Variants in TMPRSS11E observed in about 807,000 individuals in gnomAD.
TMPRSS11E encodes transmembrane protease serine 11E.
A neutral mutation model predicts 48.1 loss-of-function variants in TMPRSS11E; 38 were observed. The ratio of observed to expected loss-of-function variants is 0.79; its 90% CI spans 0.61 to 1.04. The LOEUF (loss-of-function observed/expected upper bound fraction) is 1.04. Ranked by LOEUF, TMPRSS11E falls within the 50% of genes least tolerant of loss-of-function variation. The pLI is 0.00. For synonymous variants in TMPRSS11E, 158 were observed against 171.9 expected (o/e 0.92, Z 0.63); for missense variants, 530 against 510.8 (o/e 1.04, Z -0.36).
At chr4:68,481,774 A>G (rs1408314285) in intron 9 of TMPRSS11E, among the ~76,000 whole-genome samples, 1 of 152,114 alleles carries the variant, frequency 6.6e-6, no homozygotes, top group Non-Finnish European at 1.5e-5. Context: ...ACATGGGGAA[A>G]TCCTGTCTCT....
intron 9 of TMPRSS11E, among the ~76,000 whole-genome samples, chr4:68,495,144 G>A (rs1434252434): frequency 1.3e-5 from 2 of 152,050 alleles, no homozygotes; most frequent in Non-Finnish European, 2.9e-5. Context: ...AATCAAATGT[G>A]AGCTAATTAG....
intron 5 of TMPRSS11E, among the ~76,000 whole-genome samples, chr4:68,473,318 G>T (rs1729124397): frequency 6.6e-6 from 1 of 152,042 alleles, no homozygotes; most frequent in Non-Finnish European, 1.5e-5. Flanking sequence ...TCTTTTCTAT[G>T]GGTTCTAAGC....
At chr4:68,451,702 C>G (rs1012126495) in intron 1 of TMPRSS11E, among the ~76,000 whole-genome samples, 1 of 151,956 alleles carries the variant, frequency 6.6e-6, no homozygotes, top group African/African-American at 2.4e-5. Context: ...TATCTGCCAA[C>G]TACTGTCTTA....
At chr4:68,467,474 A>T (rs952070319) in intron 3 of TMPRSS11E, among the ~76,000 whole-genome samples, 1 of 152,184 alleles carries the variant, frequency 6.6e-6, no homozygotes, top group African/African-American at 2.4e-5. Context: ...TCATGATATA[A>T]TGTGATGGAA....
At chr4:68,488,878 C>T (rs942222418) in intron 9 of TMPRSS11E, among the ~76,000 whole-genome samples, 6 of 152,144 alleles carry the variant, frequency 3.9e-5, no homozygotes, top group African/African-American at 1.4e-4. Flanking sequence ...TCTTTCAGCT[C>T]TTGTGTTATT....
chr4:68,492,052 C>A (rs1729739687), intron 9 of TMPRSS11E, among the ~76,000 whole-genome samples: 1 of 152,178 alleles, frequency 6.6e-6, no homozygotes, highest in Non-Finnish European at 1.5e-5. Flanking sequence ...AGACTCACTT[C>A]ATTTTGTTTC....
At chr4:68,459,441 C>T (rs753119363) in intron 1 of TMPRSS11E, among the ~76,000 whole-genome samples, 3 of 151,864 alleles carry the variant, frequency 2.0e-5, no homozygotes. Flanking sequence ...AAATTTCTCA[C>T]TTATTTGTTA....
intron 9 of TMPRSS11E, among the ~76,000 whole-genome samples, chr4:68,489,486 G>A (rs1408249700): frequency 4.6e-5 from 7 of 152,174 alleles, no homozygotes; most frequent in Non-Finnish European, 7.4e-5. Context: ...ACAGGCATGC[G>A]TGCTGGTGGT....
rs372210263 is a variant in TMPRSS11E, at chr4:68,496,573, G to A, written c.1111-70G>A. ...ATTACCCCTTTCATTACATTCTTAA[G>A]TTAGAAAAATAGCCAATTCCTCTGT... On this transcript the variant is annotated intron_variant, in intron 9 of 9. Coordinates refer to ENST00000305363, the MANE Select transcript of TMPRSS11E (RefSeq NM_014058.4). The A allele has an allele frequency of 1.8e-5, 26 of 1,452,860 alleles. No individual in the cohort carries two copies. In the East Asian group the frequency reaches 1.9e-4, roughly 11 times the overall value. The allele number at this position is 1,452,860 out of a possible 1,614,324, so 90.0% of individuals were successfully genotyped here.
chr4:68,496,647 A>G lies in TMPRSS11E; in HGVS notation c.1115A>G (p.Asp372Gly). ...LEGKTDACQG[D>G]SGGPLVSSDA... The stretch of plus-strand genomic sequence containing the variant: ...AATTTCTGTCTTCTCCTTTAGGGTG[A>G]CTCTGGAGGACCACTGGTTAGTTCA... The change falls in exon 10 of 10, where the codon GAC (aspartate) becomes GGC (glycine). Residue 372 changes from aspartate (D) to glycine (G), a missense_variant. Asp to Gly is a moderately conservative substitution (Grantham distance 94). Coordinates refer to ENST00000305363, the MANE Select transcript of TMPRSS11E (RefSeq NM_014058.4). 1 of 1,610,216 alleles carries G rather than the reference A, an allele frequency of 6.2e-7. No individual in the cohort carries two copies. The highest frequency in any genetic ancestry group is 8.5e-7 in the Non-Finnish European group (1 of 1,178,522).
chr4:68,452,773 A>G (rs1728534434), intron 1 of TMPRSS11E, among the ~76,000 whole-genome samples: 1 of 151,944 alleles, frequency 6.6e-6, no homozygotes, highest in Admixed American at 6.6e-5. Flanking sequence ...TTTCAAACCA[A>G]TCTTTTAATT....
intron 9 of TMPRSS11E, among the ~76,000 whole-genome samples, chr4:68,492,710 C>T (rs1048691301): frequency 2.0e-5 from 3 of 152,118 alleles, no homozygotes; most frequent in African/African-American, 7.2e-5. Context: ...CTGTTTATGT[C>T]TTGAGCAGTT....
In TMPRSS11E at chr4:68,466,623, C is replaced by T. The variant is rs930705068; in HGVS notation, c.137-8C>T. ...AATTATGATAGTGTTTTGCTTCTTTCCTTGTAGATCAAAAGAAGACCTACA... is the reference window on the plus strand; with the variant it reads ...AATTATGATAGTGTTTTGCTTCTTTTCTTGTAGATCAAAAGAAGACCTACA... On this transcript the variant is annotated splice_region_variant and splice_polypyrimidine_tract_variant and intron_variant, in intron 2 of 9. Coordinates refer to ENST00000305363, the MANE Select transcript of TMPRSS11E (RefSeq NM_014058.4). 5.6e-6 allele frequency: 9 copies of T among 1,610,204 alleles called. No homozygotes were observed. In the African/African-American group the frequency reaches 1.1e-4, roughly 19 times the overall value.
intron 9 of TMPRSS11E, among the ~76,000 whole-genome samples, chr4:68,482,060 G>A (rs962081186): frequency 1.3e-5 from 2 of 152,164 alleles, no homozygotes; most frequent in Non-Finnish European, 2.9e-5. Context: ...GCATGGTGCT[G>A]GCATCTGCTC....
Position 68,465,294 on chromosome 4 carries a change from C to A in TMPRSS11E, c.137-1337C>A, listed in dbSNP as rs554833944. ...CTCTTTTATTCATCACCAACCGCAC[C>A]CAAGCCCTTGTCAGAGTCTGATGGC... is the stretch of plus-strand genomic sequence containing the variant. On this transcript the variant is annotated intron_variant, in intron 2 of 9. Transcript: ENST00000305363. 2.6e-5 allele frequency among the ~76,000 whole-genome samples: 4 copies of A among 152,232 alleles called. No homozygotes were observed. In the East Asian group the frequency reaches 7.7e-4, roughly 29 times the overall value.
At chr4:68,484,039 G>C (rs1729484634) in intron 9 of TMPRSS11E, among the ~76,000 whole-genome samples, 1 of 152,046 alleles carries the variant, frequency 6.6e-6, no homozygotes, top group Admixed American at 6.5e-5. Flanking sequence ...GGTTACTATA[G>C]CTTTGTGGTA....
chr4:68,465,621 A>G (rs1251321779), intron 2 of TMPRSS11E, among the ~76,000 whole-genome samples: 1 of 152,124 alleles, frequency 6.6e-6, no homozygotes, highest in Non-Finnish European at 1.5e-5. Flanking sequence ...ATGTGAATGT[A>G]CTAGGGACAC....
intron 1 of TMPRSS11E, 84 bp from the exon 2 acceptor site, chr4:68,461,737 T>C (rs1231636194): frequency 2.5e-6 from 4 of 1,591,620 alleles, no homozygotes; most frequent in African/African-American, 2.7e-5. Flanking sequence ...GAATGTCCTT[T>C]ATTCCCCCAA....
intron 5 of TMPRSS11E, among the ~76,000 whole-genome samples, chr4:68,472,627 C>T (rs1189335449): frequency 6.6e-6 from 1 of 151,954 alleles, no homozygotes; most frequent in African/African-American, 2.4e-5. Flanking sequence ...ATACAAACTG[C>T]TAATATAATA....
Sources: allele counts gnomAD v4.1 joint callset (sites outside exome capture counted in the v4.1 genomes callset), GRCh38; gene constraint gnomAD v4.1.1; transcripts MANE v1.5; gene names NCBI Gene and HGNC (gene_info 2026-07-23, HGNC 2026-07-21).